The following TNFSF4 variants were observed in gnomAD, a reference collection of about 807,000 sequenced individuals.
TNFSF4 encodes the protein tumor necrosis factor ligand superfamily member 4.
TNFSF4 carries 4 observed loss-of-function variants against 7.3 expected under a neutral mutation model. The observed-to-expected ratio is 0.55, with a 90% CI of 0.27 to 1.25. TNFSF4 has a LOEUF of 1.25. TNFSF4 is among the 50% of genes most tolerant of loss of function. The pLI is 0.12. For synonymous variants in TNFSF4, 76 were observed against 83.7 expected (o/e 0.91, Z 0.50); for missense variants, 181 against 208.8 (o/e 0.87, Z 0.82).
At chr1:173,438,515 C>CT in the TNFSF4 span, among the ~76,000 whole-genome samples, 19 of 152,176 alleles carry the variant, frequency 1.2e-4, no homozygotes, top group Non-Finnish European at 2.6e-4. Context: ...TGAACTGTAT[C>CT]TTTTGCTTAT....
At chr1:173,411,820 T>A in the TNFSF4 span, among the ~76,000 whole-genome samples, 2 of 147,692 alleles carry the variant, frequency 1.4e-5, no homozygotes, top group Non-Finnish European at 3.0e-5. Context: ...ATAAAAAAAT[T>A]TTAAAAAGGA....
the TNFSF4 span, among the ~76,000 whole-genome samples, chr1:173,313,888 C>T: frequency 0.031 from 4,768 of 152,136 alleles, 102 homozygotes; most frequent in South Asian, 0.092. Context: ...CCTAGGGATA[C>T]TTGTCTTATA....
At chr1:173,427,063 G>A in the TNFSF4 span, among the ~76,000 whole-genome samples, 3 of 152,282 alleles carry the variant, frequency 2.0e-5, no homozygotes, top group South Asian at 6.2e-4. Flanking sequence ...GTCACCTTCA[G>A]AACTGTATGA....
chr1:173,373,019 G>A, the TNFSF4 span, among the ~76,000 whole-genome samples: 5 of 152,058 alleles, frequency 3.3e-5, no homozygotes, highest in African/African-American at 1.2e-4. Context: ...CCAGCACCCA[G>A]TTAGCAGAAC....
chr1:173,210,024 A>G (rs1466430693), upstream of TNFSF4, among the ~76,000 whole-genome samples: 2 of 151,986 alleles, frequency 1.3e-5, no homozygotes, highest in South Asian at 4.2e-4. Flanking sequence ...AGAAGCAAAA[A>G]ACATTTGGGT....
chr1:173,401,503 T>C, the TNFSF4 span, among the ~76,000 whole-genome samples: 1 of 152,112 alleles, frequency 6.6e-6, no homozygotes, highest in South Asian at 2.1e-4. Context: ...GTTGAGGACA[T>C]GAAAAAACCT....
At chr1:173,370,240 A>C in the TNFSF4 span, among the ~76,000 whole-genome samples, 4 of 152,192 alleles carry the variant, frequency 2.6e-5, no homozygotes, top group Non-Finnish European at 4.4e-5. Context: ...TGTTAGATCA[A>C]ACCCTGGCCT....
intron 1 of TNFSF4, among the ~76,000 whole-genome samples, chr1:173,195,486 T>C (rs1234755075): frequency 6.6e-6 from 1 of 152,236 alleles, no homozygotes; most frequent in Admixed American, 6.5e-5. Flanking sequence ...TTGGCCTCCT[T>C]CAGTGCTTTT....
chr1:173,357,304 G>T, the TNFSF4 span, among the ~76,000 whole-genome samples: 1 of 152,102 alleles, frequency 6.6e-6, no homozygotes, highest in African/African-American at 2.4e-5. Flanking sequence ...GGAAGATTAG[G>T]CTGGGACACA....
chr1:173,282,516 T>C, the TNFSF4 span, among the ~76,000 whole-genome samples: 1 of 152,002 alleles, frequency 6.6e-6, no homozygotes, highest in Non-Finnish European at 1.5e-5. Flanking sequence ...TGGAGTGCAG[T>C]GGCACTGTCT....
chr1:173,200,036 T>C (rs1219908809), intron 1 of TNFSF4, among the ~76,000 whole-genome samples: 1 of 152,252 alleles, frequency 6.6e-6, no homozygotes, highest in African/African-American at 2.4e-5. Context: ...TTTGTGTAAG[T>C]ATATTTAAAT....
chr1:173,186,595 G>T lies in TNFSF4; in HGVS notation c.473C>A (p.Thr158Asn), dbSNP rs1174636042. ...ATTCACATGGAAGTCATCCAGGGAG[G>T]TATTGTCAGTGGTCACATTCAAGTA... ...KVYLNVTTDN[T>N]SLDDFHVNGG... Residue 158 changes from threonine to asparagine, a missense_variant, in exon 3 of 3, where the codon ACC becomes AAC. Transcript: ENST00000281834. 1 of 1,614,034 alleles carries T rather than the reference G, an allele frequency of 6.2e-7. No individual in the cohort carries two copies. Among genetic ancestry groups the T allele is most frequent in the Non-Finnish European group, 8.5e-7 (1 of 1,180,010 alleles).
the TNFSF4 span, among the ~76,000 whole-genome samples, chr1:173,380,763 T>C: frequency 2.0e-5 from 3 of 152,090 alleles, no homozygotes; most frequent in Non-Finnish European, 4.4e-5. Context: ...CCAACGCCCC[T>C]TTCCAGCCAC....
the TNFSF4 span, among the ~76,000 whole-genome samples, chr1:173,222,858 T>C: frequency 1.3e-5 from 2 of 152,204 alleles, no homozygotes; most frequent in African/African-American, 4.8e-5. Context: ...GTGAGACATG[T>C]AGAAATGAAT....
the TNFSF4 span, among the ~76,000 whole-genome samples, chr1:173,253,991 T>C: frequency 1.3e-5 from 2 of 152,118 alleles, no homozygotes; most frequent in East Asian, 1.9e-4. Flanking sequence ...GAATTTAGGG[T>C]TATGGTTGGA....
At chr1:173,252,563 G>A in the TNFSF4 span, among the ~76,000 whole-genome samples, 3 of 151,786 alleles carry the variant, frequency 2.0e-5, no homozygotes, top group African/African-American at 4.8e-5. Context: ...ATCTAGGTTG[G>A]AAGAACGTTT....
chr1:173,382,077 T>C, the TNFSF4 span, among the ~76,000 whole-genome samples: 1 of 152,174 alleles, frequency 6.6e-6, no homozygotes, highest in East Asian at 1.9e-4. Context: ...TTTGTTCTTT[T>C]GCTCTTCACA....
At chr1:173,182,058 T>C (rs1450707515), downstream of TNFSF4, among the ~76,000 whole-genome samples, 2 of 152,182 alleles carry the variant, frequency 1.3e-5, no homozygotes, top group African/African-American at 4.8e-5. Flanking sequence ...CCATTTGATA[T>C]TTTAAAATGC....
At chr1:173,301,644 G>A in the TNFSF4 span, among the ~76,000 whole-genome samples, 3 of 151,656 alleles carry the variant, frequency 2.0e-5, no homozygotes, top group African/African-American at 7.3e-5. Flanking sequence ...TCCTCCCAAA[G>A]CCTTTTTCTA....
Sources: gnomAD v4.1 joint callset for allele counts (sites outside exome capture counted in the v4.1 genomes callset) on GRCh38, gnomAD v4.1.1 for gene constraint, MANE v1.5 for transcripts, NCBI Gene and HGNC (gene_info 2026-07-23, HGNC 2026-07-21) for gene names.